Variants in KCNQ5 observed in about 807,000 individuals in gnomAD.
KCNQ5 encodes the protein potassium voltage-gated channel subfamily Q member 5.
A neutral mutation model predicts 98.2 loss-of-function variants in KCNQ5; 30 were observed. That is an observed-to-expected ratio of 0.31 (90% CI 0.23 to 0.41). The LOEUF is 0.41. Ranked by LOEUF, KCNQ5 falls within the 10% of genes least tolerant of loss-of-function variation. KCNQ5 has a pLI of 1.00. For synonymous variants in KCNQ5, 458 were observed against 449.4 expected (o/e 1.02, Z -0.24); for missense variants, 835 against 1,182.5 (o/e 0.71, Z 4.31).
At chr6:73,047,666 A>T (rs1012946711) in intron 3 of KCNQ5, among the ~76,000 whole-genome samples, 4 of 152,238 alleles carry the variant, frequency 2.6e-5, no homozygotes, top group Non-Finnish European at 5.9e-5. Context: ...TACTGTATTA[A>T]CATTCTGTAC....
At chr6:72,849,831 TTC>T (rs1433979536) in intron 1 of KCNQ5, among the ~76,000 whole-genome samples, 1 of 152,112 alleles carries the variant, frequency 6.6e-6, no homozygotes, top group Non-Finnish European at 1.5e-5. Flanking sequence ...CATGAATCTT[TTC>T]TCTCTCTACT....
intron 10 of KCNQ5, among the ~76,000 whole-genome samples, chr6:73,147,181 C>T (rs2150476495): frequency 6.6e-6 from 1 of 152,108 alleles, no homozygotes; most frequent in East Asian, 1.9e-4. Flanking sequence ...AGAAATGATA[C>T]CTACCTAATA....
intron 5 of KCNQ5, among the ~76,000 whole-genome samples, chr6:73,078,804 A>G (rs1000070281): frequency 2.0e-5 from 3 of 152,228 alleles, no homozygotes; most frequent in Admixed American, 2.0e-4. Context: ...ATCAGAATCC[A>G]AAAACCTGGA....
At chr6:72,826,761 A>G (rs896332968) in intron 1 of KCNQ5, among the ~76,000 whole-genome samples, 2 of 152,172 alleles carry the variant, frequency 1.3e-5, no homozygotes, top group African/African-American at 4.8e-5. Flanking sequence ...TTGAAACAAT[A>G]TAATACATTA....
At chr6:73,039,561 C>T (rs1771597969) in intron 2 of KCNQ5, among the ~76,000 whole-genome samples, 1 of 152,012 alleles carries the variant, frequency 6.6e-6, no homozygotes, top group Non-Finnish European at 1.5e-5. Flanking sequence ...ATTTTTGAGA[C>T]TTTCTCTTTG....
chr6:72,966,813 C>A, intron 1 of KCNQ5, among the ~76,000 whole-genome samples: 1 of 152,166 alleles, frequency 6.6e-6, no homozygotes, highest in East Asian at 1.9e-4. Flanking sequence ...AGGAACCCAG[C>A]ACTTCCTCTG....
intron 5 of KCNQ5, among the ~76,000 whole-genome samples, chr6:73,092,786 T>C (rs1047688934): frequency 2.0e-5 from 3 of 152,210 alleles, no homozygotes; most frequent in Non-Finnish European, 4.4e-5. Flanking sequence ...GGATTATCTT[T>C]TTGATATGCT....
In KCNQ5 at chr6:72,833,237, A is replaced by T. The variant is rs577318675; in HGVS notation, c.399-170671A>T. On this transcript the variant is annotated intron_variant, in intron 1 of 13. Transcript: ENST00000370398. ...AATTCTGTGCTATTCTGTCCAGAAC[A>T]TCTCTTTCTCTGTTTCCTCATCCAT... Among the ~76,000 whole-genome samples the T allele has an allele frequency of 2.6e-5, 4 of 152,302 alleles. No homozygotes were observed. The East Asian group carries it at 7.7e-4, about 29-fold the overall frequency.
chr6:73,108,118 A>G (rs1582372823), intron 6 of KCNQ5, among the ~76,000 whole-genome samples: 1 of 152,206 alleles, frequency 6.6e-6, no homozygotes, highest in East Asian at 1.9e-4. Flanking sequence ...TCTCCATCTT[A>G]CCCTCAAAGC....
At chr6:73,175,398 C>A (rs1778175213) in intron 11 of KCNQ5, among the ~76,000 whole-genome samples, 1 of 152,236 alleles carries the variant, frequency 6.6e-6, no homozygotes, top group African/African-American at 2.4e-5. Flanking sequence ...GATCTGCCCC[C>A]CCCTTGGCTT....
At chr6:72,748,299 G>T (rs1052186242) in intron 1 of KCNQ5, among the ~76,000 whole-genome samples, 1 of 152,086 alleles carries the variant, frequency 6.6e-6, no homozygotes, top group Admixed American at 6.6e-5. Flanking sequence ...GTATCAACTT[G>T]TTGGTTGTAT....
chr6:73,008,259 A>G (rs1360764414), intron 2 of KCNQ5, among the ~76,000 whole-genome samples: 1 of 152,180 alleles, frequency 6.6e-6, no homozygotes, highest in Non-Finnish European at 1.5e-5. Context: ...GCGTCTCCTT[A>G]TCATTAATTA....
chr6:72,814,530 A>G (rs1028258519), intron 1 of KCNQ5, among the ~76,000 whole-genome samples: 5 of 152,320 alleles, frequency 3.3e-5, no homozygotes, highest in African/African-American at 1.2e-4. Flanking sequence ...TTTTTGCATC[A>G]TATGTCTTTT....
intron 1 of KCNQ5, among the ~76,000 whole-genome samples, chr6:72,647,587 C>A (rs75892321): frequency 3.3e-5 from 5 of 152,114 alleles, no homozygotes; most frequent in Non-Finnish European, 7.4e-5. Context: ...TGTTCCTCAA[C>A]TTCCCTAGGT....
intron 1 of KCNQ5, among the ~76,000 whole-genome samples, chr6:72,798,265 T>C (rs1033375519): frequency 4.6e-5 from 7 of 152,216 alleles, no homozygotes; most frequent in African/African-American, 1.4e-4. Context: ...CTTTGAAATA[T>C]CTTTTAAGCT....
intron 1 of KCNQ5, among the ~76,000 whole-genome samples, chr6:72,641,726 A>G (rs2098927295): frequency 6.6e-6 from 1 of 152,032 alleles, no homozygotes; most frequent in South Asian, 2.1e-4. Flanking sequence ...GGTTTCATGA[A>G]TGAATTATGA....
At chr6:73,083,834 C>T (rs1456419533) in intron 5 of KCNQ5, among the ~76,000 whole-genome samples, 2 of 152,182 alleles carry the variant, frequency 1.3e-5, no homozygotes, top group South Asian at 2.1e-4. Flanking sequence ...ATTGATTCAA[C>T]TGCTTTATGG....
chr6:73,011,933 C>T (rs1367665993), intron 2 of KCNQ5, among the ~76,000 whole-genome samples: 7 of 152,122 alleles, frequency 4.6e-5, no homozygotes, highest in East Asian at 1.9e-4. Context: ...ACCTCACACC[C>T]GTTAGGATGG....
At chr6:72,790,878 G>A (rs1278389394) in intron 1 of KCNQ5, among the ~76,000 whole-genome samples, 2 of 152,120 alleles carry the variant, frequency 1.3e-5, no homozygotes, top group Non-Finnish European at 2.9e-5. Context: ...TTCAGTGTTT[G>A]TTTATTCAAC....
Sources: allele counts gnomAD v4.1 joint callset (sites outside exome capture counted in the v4.1 genomes callset), GRCh38; gene constraint gnomAD v4.1.1; transcripts MANE v1.5; gene names NCBI Gene and HGNC (gene_info 2026-07-23, HGNC 2026-07-21).